DCUN1D3: variants seen among roughly 807,000 people sequenced by gnomAD.
The protein encoded by DCUN1D3 is DCN1-like protein 3.
In DCUN1D3, 6 loss-of-function variants were observed where a neutral mutation model predicts 24.8. The observed-to-expected ratio is 0.24, with a 90% confidence interval of 0.13 to 0.48. DCUN1D3 has a LOEUF of 0.48. Ranked by LOEUF, DCUN1D3 falls within the 20% of genes least tolerant of loss-of-function variation. The pLI is 0.99. For missense variants in DCUN1D3, 258 were observed against 379.4 expected (o/e 0.68, Z 2.66); for synonymous variants, 120 against 144.9 (o/e 0.83, Z 1.24).
At position 20,856,459 on chromosome 16, in the gene DCUN1D3, C is replaced by G. The variant is rs1035313225; in HGVS notation, c.*3427G>C. 1 of 152,200 alleles carries G rather than the reference C, an allele frequency of 6.6e-6. No homozygotes were observed. Among genetic ancestry groups the G allele is most frequent in the Non-Finnish European group, 1.5e-5 (1 of 68,050 alleles). The allele number at this position is 152,200 out of a possible 1,614,324, so 9.4% of individuals were successfully genotyped here. A position where few individuals can be genotyped will look rare whatever the true frequency, so the allele number is the denominator to read the frequency against. On this transcript the variant is annotated 3_prime_UTR_variant, in exon 3 of 3. Transcript: ENST00000324344. ...AATCCTTTCTCCCTTTCCAAAAAGA[C>G]TAGTTTGTGCTTTCCTTGGGGAAGT...
rs1291961861 is a variant in DCUN1D3 at position 20,860,270 on chromosome 16, A to G, written c.531T>C (p.Asp177=). 1.2e-6 allele frequency: 2 copies of G among 1,614,222 alleles called. No individual in the cohort carries two copies. The highest frequency in any genetic ancestry group is 1.7e-6 in the Non-Finnish European group (2 of 1,180,024). The part of the protein sequence containing the change: ...PSLLTEAKQE[D]KFKDLYRFTF... ...TAAACCGGTAGAGATCCTTGAATTTATCCTCTTGTTTGGCTTCTGTTAAGA... is the reference window on the plus strand; with the variant it reads ...TAAACCGGTAGAGATCCTTGAATTTGTCCTCTTGTTTGGCTTCTGTTAAGA... Residue 177 remains aspartate, a synonymous_variant, in exon 3 of 3, where the codon GAT becomes GAC. Transcript: ENST00000324344. The surrounding 1 kb of genome is among the most constrained non-coding windows in gnomAD (Gnocchi z 4.3).
In DCUN1D3 at chr16:20,856,534, GC is replaced by G. The variant is rs1223653847; in HGVS notation, c.*3351del. ...ACATTTTCAATTGTTATTTTCCTGG[GC>G]CCAGGGGTTTGGTTAAAATTTAGAT... is the stretch of plus-strand genomic sequence containing the variant. On this transcript the variant is annotated 3_prime_UTR_variant, in exon 3 of 3. Coordinates refer to ENST00000324344, the MANE Select transcript of DCUN1D3 (RefSeq NM_173475.4). 3 of 152,032 alleles carry G rather than the reference GC, an allele frequency of 2.0e-5. No individual in the cohort carries two copies. The highest frequency in any genetic ancestry group is 6.5e-5 in the Admixed American group (1 of 15,268). The allele number at this position is 152,032 out of a possible 1,614,324, so 9.4% of individuals were successfully genotyped here. A position where few individuals can be genotyped will look rare whatever the true frequency, so the allele number is the denominator to read the frequency against.
intron 1 of DCUN1D3, among the ~76,000 whole-genome samples, chr16:20,899,602 G>A (rs1301564081): frequency 6.6e-6 from 1 of 152,144 alleles, no homozygotes; most frequent in Non-Finnish European, 1.5e-5. Context: ...GGTGTGCATG[G>A]GGGAGGATGA....
At chr16:20,899,461 A>T (rs2081947009) in intron 1 of DCUN1D3, among the ~76,000 whole-genome samples, 1 of 152,172 alleles carries the variant, frequency 6.6e-6, no homozygotes, top group East Asian at 1.9e-4. Flanking sequence ...TACAGTTAAG[A>T]TCTGGGATAG....
intron 1 of DCUN1D3, among the ~76,000 whole-genome samples, chr16:20,891,142 T>C (rs1240729923): frequency 6.6e-6 from 1 of 151,990 alleles, no homozygotes; most frequent in Admixed American, 6.6e-5. Flanking sequence ...TACAGGCGCC[T>C]GCCACCATGC....
chr16:20,891,822 C>T (rs971176903), intron 1 of DCUN1D3, among the ~76,000 whole-genome samples: 6 of 152,228 alleles, frequency 3.9e-5, no homozygotes, highest in African/African-American at 7.2e-5. Flanking sequence ...CTGGCCAGGG[C>T]CAGTACACTG....
chr16:20,889,508 A>G (rs1029715019), intron 1 of DCUN1D3, among the ~76,000 whole-genome samples: 1 of 152,234 alleles, frequency 6.6e-6, no homozygotes, highest in African/African-American at 2.4e-5. Flanking sequence ...GCCATTTCAT[A>G]CTAATTGAAG....
In DCUN1D3 at chr16:20,862,475, G is replaced by A. The variant is rs770179050; in HGVS notation, c.64C>T (p.Arg22Cys). Residue 22 changes from arginine (R) to cysteine (C), a missense_variant, in exon 2 of 3, where the codon CGT (arginine) becomes TGT (cysteine). Transcript: ENST00000324344. Reference protein sequence around the residue: ...SSTLGSKNGDREPSNKSHSRR... With the variant: ...SSTLGSKNGDCEPSNKSHSRR... The stretch of plus-strand genomic sequence containing the variant: ...CTATGTGACTTGTTGCTGGGCTCAC[G>A]GTCTCCATTTTTGCTGCCCAGGGTC... The A allele has an allele frequency of 8.1e-6, 13 of 1,612,090 alleles. No homozygotes were observed. The Admixed American group carries it at 1.3e-4, about 17-fold the overall frequency.
rs1391584559 is a variant in DCUN1D3, at chr16:20,857,881, A to G, written c.*2005T>C. Reference sequence around the variant, plus strand: ...TATGGTCAATATCAGTTTTAGAAAAATACCAACTGCCAAAACTCTTTAATA... The same window carrying G: ...TATGGTCAATATCAGTTTTAGAAAAGTACCAACTGCCAAAACTCTTTAATA... On this transcript the variant is annotated 3_prime_UTR_variant, in exon 3 of 3. Coordinates refer to ENST00000324344, the MANE Select transcript of DCUN1D3 (RefSeq NM_173475.4). The G allele has an allele frequency of 6.6e-6, 1 of 152,280 alleles. No individual in the cohort carries two copies. Among genetic ancestry groups the G allele is most frequent in the Non-Finnish European group, 1.5e-5 (1 of 68,032 alleles). 9.4% of individuals were successfully genotyped at this position (152,280 alleles called of 1,614,324 possible). A position where few individuals can be genotyped will look rare whatever the true frequency, so the allele number is the denominator to read the frequency against.
At chr16:20,881,714 C>T (rs1490881286) in intron 1 of DCUN1D3, among the ~76,000 whole-genome samples, 1 of 152,196 alleles carries the variant, frequency 6.6e-6, no homozygotes, top group African/African-American at 2.4e-5. Flanking sequence ...GCAGCTTATG[C>T]AAGCCCTTAG....
chr16:20,864,402 T>G lies in DCUN1D3; in HGVS notation c.-105-1759A>C, dbSNP rs142140007. Among the ~76,000 whole-genome samples, 429 of 151,954 alleles carry G rather than the reference T, an allele frequency of 2.8e-3. 4 individuals are homozygous for G. Among genetic ancestry groups the G allele is most frequent in the African/African-American group, 9.9e-3 (408 of 41,396 alleles). On this transcript the variant is annotated intron_variant, in intron 1 of 2. Coordinates refer to ENST00000324344, the MANE Select transcript of DCUN1D3 (RefSeq NM_173475.4). ...CATATGAAAAAAAGCTCAATATCAC[T>G]GATCATTAGAGAAATGCAAATCAAA...
rs1346678528 is a variant in DCUN1D3, at chr16:20,857,851, T to C, written c.*2035A>G. 6.6e-6 allele frequency: 1 copy of C among 151,828 alleles called. No homozygotes were observed. The highest frequency in any genetic ancestry group is 2.4e-5 in the African/African-American group (1 of 41,288). The allele number at this position is 151,828 out of a possible 1,614,324, so 9.4% of individuals were successfully genotyped here. The stretch of plus-strand genomic sequence containing the variant: ...AAAAAAAAAACAAATTCCAAGTATG[T>C]TCCCTATGGTCAATATCAGTTTTAG... On this transcript the variant is annotated 3_prime_UTR_variant, in exon 3 of 3. Coordinates refer to ENST00000324344, the MANE Select transcript of DCUN1D3 (RefSeq NM_173475.4).
At position 20,862,501 on chromosome 16, in the gene DCUN1D3, G is replaced by A. The variant is rs774666903; in HGVS notation, c.38C>T (p.Ser13Leu). The A allele has an allele frequency of 1.8e-5, 29 of 1,608,716 alleles. No homozygotes were observed. The highest frequency in any genetic ancestry group is 2.4e-5 in the Non-Finnish European group (28 of 1,179,930). The change falls in exon 2 of 3, where the codon TCG becomes TTG. Residue 13 changes from serine to leucine, a missense_variant. Transcript: ENST00000324344. ...QCVTKCKNPS[S>L]TLGSKNGDRE... ...GTCTCCATTTTTGCTGCCCAGGGTC[G>A]ATGAGGGATTCTTACACTTGGTGAC...
intron 1 of DCUN1D3, among the ~76,000 whole-genome samples, chr16:20,870,295 C>G (rs2081781910): frequency 6.6e-6 from 1 of 152,190 alleles, no homozygotes; most frequent in Non-Finnish European, 1.5e-5. Flanking sequence ...CCAAGACTAT[C>G]AGAGTCAAAG....
chr16:20,879,199 T>C (rs1309942876), intron 1 of DCUN1D3, among the ~76,000 whole-genome samples: 1 of 152,228 alleles, frequency 6.6e-6, no homozygotes, highest in Non-Finnish European at 1.5e-5. Flanking sequence ...GTTTAAACAC[T>C]GGTAGCTGGA....
At position 20,860,382 on chromosome 16, in the gene DCUN1D3, G is replaced by A. The variant is rs751680636; in HGVS notation, c.432-13C>T. The A allele has an allele frequency of 3.7e-6, 6 of 1,604,688 alleles. No individual in the cohort carries two copies. Among genetic ancestry groups the A allele is most frequent in the Non-Finnish European group, 5.1e-6 (6 of 1,175,412 alleles). ...AAAAAACTCCTTCCTGCAACAGAAA[G>A]GAAAAGGACAATTAATCATTATAAA... On this transcript the variant is annotated splice_polypyrimidine_tract_variant and intron_variant, in intron 2 of 2. Transcript: ENST00000324344. This position sits in a 1 kb window ranked among gnomAD's most constrained non-coding sequence, Gnocchi z 4.3.
At chr16:20,875,889 GA>G (rs1487132159) in intron 1 of DCUN1D3, among the ~76,000 whole-genome samples, 5 of 152,092 alleles carry the variant, frequency 3.3e-5, no homozygotes, top group African/African-American at 9.7e-5. Context: ...TCTGACGAGG[GA>G]TTAACAGCCA....
At chr16:20,865,441 T>C (rs2081756899) in intron 1 of DCUN1D3, among the ~76,000 whole-genome samples, 1 of 152,228 alleles carries the variant, frequency 6.6e-6, no homozygotes, top group South Asian at 2.1e-4. Flanking sequence ...CTAAGATGAC[T>C]CTGGCTACTT....
At chr16:20,880,062 T>C (rs1596636095) in intron 1 of DCUN1D3, among the ~76,000 whole-genome samples, 2 of 152,206 alleles carry the variant, frequency 1.3e-5, no homozygotes, top group African/African-American at 4.8e-5. Flanking sequence ...AGTAAGTCCT[T>C]AAACCGAATT....
Sources: allele counts gnomAD v4.1 joint callset (sites outside exome capture counted in the v4.1 genomes callset), GRCh38; gene constraint gnomAD v4.1.1; non-coding constraint Gnocchi (gnomAD v3.1); transcripts MANE v1.5; gene names NCBI Gene and HGNC (gene_info 2026-07-23, HGNC 2026-07-21).